CDH8: variants seen among roughly 807,000 people sequenced by gnomAD.
CDH8 encodes cadherin 8, also known as cadherin-8.
CDH8 carries 17 observed loss-of-function variants against 68.1 expected under a neutral mutation model. That is an observed-to-expected ratio of 0.25 (90% CI 0.17 to 0.37). The LOEUF (loss-of-function observed/expected upper bound fraction) is 0.37. CDH8 is among the 10% of genes least tolerant of loss of function. The probability of loss-of-function intolerance (pLI) is 1.00; values close to 1 mark genes in which losing one functional copy is unlikely to be tolerated. For missense variants in CDH8, 763 were observed against 999.3 expected (o/e 0.76, Z 3.19); for synonymous variants, 372 against 365.1 (o/e 1.02, Z -0.21).
At chr16:61,780,259 T>A (rs1961015117) in intron 8 of CDH8, among the ~76,000 whole-genome samples, 1 of 152,210 alleles carries the variant, frequency 6.6e-6, no homozygotes, top group Non-Finnish European at 1.5e-5. Context: ...AGCAGAGATA[T>A]ACTATACAAG....
intron 3 of CDH8, among the ~76,000 whole-genome samples, chr16:61,866,071 G>A (rs1237866217): frequency 7.1e-6 from 1 of 140,448 alleles, no homozygotes; most frequent in African/African-American, 2.7e-5. Flanking sequence ...ATAAAAATTA[G>A]CTGGGCATGG....
chr16:61,893,261 T>G, intron 3 of CDH8, among the ~76,000 whole-genome samples: 1 of 152,168 alleles, frequency 6.6e-6, no homozygotes, highest in East Asian at 1.9e-4. Flanking sequence ...ATCATTGGAC[T>G]TAGGGCCCAG....
At chr16:62,005,906 G>A (rs1199026798) in intron 2 of CDH8, among the ~76,000 whole-genome samples, 4 of 152,074 alleles carry the variant, frequency 2.6e-5, no homozygotes, top group Admixed American at 2.0e-4. Context: ...TCTCACTCAG[G>A]GCTTTCCTAC....
At chr16:61,800,841 G>A (rs1450904563) in intron 7 of CDH8, among the ~76,000 whole-genome samples, 1 of 152,092 alleles carries the variant, frequency 6.6e-6, no homozygotes, top group Non-Finnish European at 1.5e-5. Flanking sequence ...AAGCAAAGCT[G>A]TATAATACAT....
chr16:62,033,259 A>G (rs948039168), intron 1 of CDH8, among the ~76,000 whole-genome samples: 5 of 152,362 alleles, frequency 3.3e-5, no homozygotes, highest in Middle Eastern at 3.4e-3. Context: ...AGGGATTGCT[A>G]TAAATGAATA....
chr16:61,667,206 C>A (rs1963696769), intron 10 of CDH8: 1 of 151,898 alleles, frequency 6.6e-6, no homozygotes, highest in Non-Finnish European at 1.5e-5. Context: ...TCAATAATCT[C>A]CATTTTTTTG....
intron 7 of CDH8, among the ~76,000 whole-genome samples, chr16:61,807,431 C>T (rs2142998257): frequency 6.6e-6 from 1 of 151,934 alleles, no homozygotes; most frequent in South Asian, 2.1e-4. Context: ...ACATATGTAA[C>T]TAACCTGCAC....
intron 2 of CDH8, among the ~76,000 whole-genome samples, chr16:62,009,687 G>A (rs3784842): frequency 0.04 from 6,099 of 152,152 alleles, 272 homozygotes; most frequent in African/African-American, 0.11. Flanking sequence ...CAGCTCTGGC[G>A]TGGTTAAAAG....
chr16:61,893,100 C>T (rs1019811832), intron 3 of CDH8, among the ~76,000 whole-genome samples: 3 of 152,102 alleles, frequency 2.0e-5, no homozygotes, highest in East Asian at 1.9e-4. Flanking sequence ...CAGTTCCCTC[C>T]GAAGGATCCT....
chr16:61,808,102 C>T (rs1445207127), intron 7 of CDH8, among the ~76,000 whole-genome samples: 4 of 152,138 alleles, frequency 2.6e-5, no homozygotes, highest in African/African-American at 4.8e-5. Flanking sequence ...ATATCCTTTG[C>T]TGAAAACCTA....
At position 61,817,575 on chromosome 16, in the gene CDH8, G is replaced by C. The variant is rs1204318205; in HGVS notation, c.1181C>G (p.Pro394Arg). The C allele has an allele frequency of 6.2e-7, 1 of 1,613,766 alleles. No individual in the cohort carries two copies. Among genetic ancestry groups the C allele is most frequent in the African/African-American group, 1.3e-5 (1 of 74,842 alleles). The change falls in exon 7 of 12, where the codon CCG (proline) becomes CGG (arginine). Residue 394 changes from proline to arginine, a missense_variant. Around this residue, in one of 2 missense-constraint regions of CDH8, gnomAD observed 366 missense variants for 563.1 expected, o/e 0.65. Coordinates refer to ENST00000577390, the MANE Select transcript of CDH8 (RefSeq NM_001796.5). The part of the protein sequence containing the change: ...DADEPPVFSS[P>R]TYLLEVHENA... ...TTCATGAACTTCAAGTAGGTAAGTC[G>C]GTGAAGAGAAGACCGGAGGCTCATC...
At chr16:61,768,185 T>A (rs1226221816) in intron 8 of CDH8, among the ~76,000 whole-genome samples, 2 of 151,930 alleles carry the variant, frequency 1.3e-5, no homozygotes, top group Non-Finnish European at 2.9e-5. Flanking sequence ...TTGAAAAACA[T>A]GGAGTTAAAG....
At chr16:61,987,010 A>G (rs1965640989) in intron 2 of CDH8, among the ~76,000 whole-genome samples, 1 of 152,238 alleles carries the variant, frequency 6.6e-6, no homozygotes, top group South Asian at 2.1e-4. Flanking sequence ...TAAGCATTCA[A>G]ACAAACATCT....
chr16:61,657,024 T>C (rs1963460796), intron 10 of CDH8, among the ~76,000 whole-genome samples: 1 of 151,456 alleles, frequency 6.6e-6, no homozygotes, highest in Non-Finnish European at 1.5e-5. Flanking sequence ...GGTTACTAAG[T>C]GCCTAGTGTT....
intron 8 of CDH8, among the ~76,000 whole-genome samples, chr16:61,769,545 CA>C (rs927149470): frequency 3.6e-3 from 499 of 137,272 alleles, no homozygotes; most frequent in Middle Eastern, 7.2e-3. Flanking sequence ...AATAGAAATG[CA>C]AAAAAAAAAA....
intron 2 of CDH8, among the ~76,000 whole-genome samples, chr16:61,967,423 A>G (rs1162695998): frequency 6.6e-6 from 1 of 152,198 alleles, no homozygotes; most frequent in Non-Finnish European, 1.5e-5. Flanking sequence ...GGATTAAAAT[A>G]TTCTTATTGC....
chr16:61,972,570 G>GT (rs1221706121), intron 2 of CDH8, among the ~76,000 whole-genome samples: 8 of 71,226 alleles, frequency 1.1e-4, no homozygotes, highest in Admixed American at 3.3e-4. Flanking sequence ...AACACATTGT[G>GT]GGTGTGTGTG....
At chr16:61,660,616 A>T (rs1030987929) in intron 10 of CDH8, among the ~76,000 whole-genome samples, 2 of 152,082 alleles carry the variant, frequency 1.3e-5, no homozygotes, top group Non-Finnish European at 2.9e-5. Flanking sequence ...GAACACAAAC[A>T]CAAAGATATT....
At chr16:61,804,200 A>G (rs1377005551) in intron 7 of CDH8, among the ~76,000 whole-genome samples, 1 of 150,832 alleles carries the variant, frequency 6.6e-6, no homozygotes, top group East Asian at 1.9e-4. Context: ...AAACTGAACA[A>G]CCTGCTCCTG....
Sources: gnomAD v4.1 joint callset for allele counts (sites outside exome capture counted in the v4.1 genomes callset) on GRCh38, gnomAD v4.1.1 for gene constraint, gnomAD v4.1.1 regional missense constraint, MANE v1.5 for transcripts, NCBI Gene and HGNC (gene_info 2026-07-23, HGNC 2026-07-21) for gene names.